RUFY3: variants seen among roughly 807,000 people sequenced by gnomAD.
The protein encoded by RUFY3 is protein RUFY3.
RUFY3 carries 34 observed loss-of-function variants against 84.0 expected under a neutral mutation model. That is an observed-to-expected ratio of 0.40 (90% CI 0.31 to 0.54). The LOEUF (loss-of-function observed/expected upper bound fraction) is 0.54, where lower values mean the gene tolerates loss of function less well. Among genes scored for constraint, RUFY3 ranks in the 20% least tolerant of loss-of-function variants. The pLI is 0.39. For synonymous variants in RUFY3, 242 were observed against 252.9 expected (o/e 0.96, Z 0.41); for missense variants, 507 against 736.8 (o/e 0.69, Z 3.61).
At chr4:70,744,812 A>G (rs1021114287) in intron 1 of RUFY3, among the ~76,000 whole-genome samples, 3 of 149,120 alleles carry the variant, frequency 2.0e-5, no homozygotes. Context: ...ATGCCACCAC[A>G]TCTGGCTAAT....
chr4:70,765,758 CTTT>C (rs371482787), intron 4 of RUFY3, among the ~76,000 whole-genome samples: 8 of 139,854 alleles, frequency 5.7e-5, no homozygotes, highest in African/African-American at 7.9e-5. Context: ...TTGTTAATAT[CTTT>C]TTTTTTTTTT....
upstream of RUFY3, chr4:70,704,724 C>A: frequency 3.1e-6 from 1 of 322,846 alleles, no homozygotes; most frequent in Non-Finnish European, 5.6e-6. Flanking sequence ...CGCCGTCGGG[C>A]GGGGCGGTCC....
chr4:70,726,129 A>G (rs924507595), intron 1 of RUFY3, among the ~76,000 whole-genome samples: 2 of 152,176 alleles, frequency 1.3e-5, no homozygotes, highest in African/African-American at 4.8e-5. Context: ...TGACAATCTC[A>G]CATTAAGGTA....
At chr4:70,800,989 T>C (rs1732154499) in intron 15 of RUFY3, among the ~76,000 whole-genome samples, 1 of 152,220 alleles carries the variant, frequency 6.6e-6, no homozygotes, top group Non-Finnish European at 1.5e-5. Context: ...TCCTTTATCC[T>C]AACTCTGTCT....
At chr4:70,711,639 A>C (rs1005770007) in intron 1 of RUFY3, among the ~76,000 whole-genome samples, 1 of 152,202 alleles carries the variant, frequency 6.6e-6, no homozygotes, top group Non-Finnish European at 1.5e-5. Flanking sequence ...GCACCCACCC[A>C]CATACAAACC....
At chr4:70,725,241 C>G (rs74653690) in intron 1 of RUFY3, among the ~76,000 whole-genome samples, 1 of 152,212 alleles carries the variant, frequency 6.6e-6, no homozygotes, top group East Asian at 1.9e-4. Context: ...CTACTTTAAC[C>G]CTTAAATAAA....
Position 70,806,698 on chromosome 4 carries a change from GCTC to G in RUFY3, c.*43_*45del, listed in dbSNP as rs1276364498. Reference sequence around the variant, plus strand: ...GACCTGGACCAAAACGTTTATGCAGGCTCCTCTGTACCTGTGTTTTAGCTGTCA... The same window carrying G: ...GACCTGGACCAAAACGTTTATGCAGGCTCTGTACCTGTGTTTTAGCTGTCA... On this transcript the variant is annotated 3_prime_UTR_variant, in exon 18 of 18. Transcript: ENST00000381006. 3.1e-6 allele frequency: 5 copies of G among 1,612,164 alleles called. No individual in the cohort carries two copies. Among genetic ancestry groups the G allele is most frequent in the Non-Finnish European group, 4.2e-6 (5 of 1,178,796 alleles).
At chr4:70,803,439 G>C (rs1732481309) in intron 16 of RUFY3, among the ~76,000 whole-genome samples, 1 of 151,288 alleles carries the variant, frequency 6.6e-6, no homozygotes, top group African/African-American at 2.4e-5. Context: ...AATAAAATAA[G>C]TCCTACTGCT....
At chr4:70,772,737 C>G (rs527243760) in intron 5 of RUFY3, among the ~76,000 whole-genome samples, 2 of 151,418 alleles carry the variant, frequency 1.3e-5, no homozygotes, top group African/African-American at 4.9e-5. Flanking sequence ...CCTGGCTTAC[C>G]GCAACCTCCA....
intron 1 of RUFY3, 87 bp from the exon 2 acceptor site, chr4:70,762,432 A>G: frequency 1.7e-6 from 2 of 1,211,524 alleles, no homozygotes; most frequent in East Asian, 2.4e-5. Context: ...CAGTGAGTAC[A>G]TGGTGGAGAA....
intron 5 of RUFY3, among the ~76,000 whole-genome samples, chr4:70,771,317 CGT>C (rs369993383): frequency 6.6e-6 from 1 of 151,488 alleles, no homozygotes; most frequent in Non-Finnish European, 1.5e-5. Flanking sequence ...TGTGTGTGTG[CGT>C]GTGTGTGTAT....
chr4:70,722,433 C>A lies in RUFY3; in HGVS notation c.-141C>A. The A allele has an allele frequency of 1.5e-6, 2 of 1,319,204 alleles. No individual in the cohort carries two copies. 81.7% of individuals were successfully genotyped at this position (1,319,204 alleles called of 1,614,324 possible). The stretch of plus-strand genomic sequence containing the variant: ...TTTTTCCTTTTTTTTTTTTTTAAAC[C>A]TCCCCCACCCTTTTCCTGAAAGCTT... On this transcript the variant is annotated 5_prime_UTR_variant, in exon 1 of 18. Coordinates refer to ENST00000381006, the MANE Select transcript of RUFY3 (RefSeq NM_001037442.4).
intron 1 of RUFY3, among the ~76,000 whole-genome samples, chr4:70,711,980 T>C (rs1741051048): frequency 6.7e-6 from 1 of 148,968 alleles, no homozygotes; most frequent in South Asian, 2.1e-4. Flanking sequence ...AAATCACGCT[T>C]TTTATTGACA....
chr4:70,776,878 A>G (rs949740133), intron 7 of RUFY3, among the ~76,000 whole-genome samples: 10 of 152,268 alleles, frequency 6.6e-5, no homozygotes, highest in African/African-American at 2.4e-4. Flanking sequence ...AAGATTTTCT[A>G]AGGGCCACTG....
intron 1 of RUFY3, among the ~76,000 whole-genome samples, chr4:70,715,446 C>G (rs938135532): frequency 2.0e-5 from 3 of 150,984 alleles, no homozygotes; most frequent in African/African-American, 7.3e-5. Flanking sequence ...TAGCCAGGTC[C>G]GGTGGTGTGT....
At chr4:70,777,262 A>G (rs1728122529) in intron 7 of RUFY3, among the ~76,000 whole-genome samples, 1 of 152,210 alleles carries the variant, frequency 6.6e-6, no homozygotes, top group Non-Finnish European at 1.5e-5. Context: ...AGAGAGGACT[A>G]CTGTATTTTC....
chr4:70,730,938 A>G (rs1719157935), intron 1 of RUFY3, among the ~76,000 whole-genome samples: 1 of 152,202 alleles, frequency 6.6e-6, no homozygotes, highest in Non-Finnish European at 1.5e-5. Flanking sequence ...ATATTTGCAG[A>G]AGTTTTATAC....
At chr4:70,789,989 A>G (rs1335357574) in intron 12 of RUFY3, 1 of 685,980 alleles carries the variant, frequency 1.5e-6, no homozygotes, top group Non-Finnish European at 1.8e-6. Context: ...GCTAGGGGAT[A>G]TAGAGGCACT....
intron 1 of RUFY3, among the ~76,000 whole-genome samples, chr4:70,706,740 TTG>T (rs1740379220): frequency 6.6e-6 from 1 of 152,174 alleles, no homozygotes; most frequent in Non-Finnish European, 1.5e-5. Context: ...AAGCCATAGT[TTG>T]TGTGTTGGAG....
Sources: allele counts gnomAD v4.1 joint callset (sites outside exome capture counted in the v4.1 genomes callset), GRCh38; gene constraint gnomAD v4.1.1; transcripts MANE v1.5; gene names NCBI Gene and HGNC (gene_info 2026-07-23, HGNC 2026-07-21).